Variants in PYY observed in about 807,000 individuals in gnomAD.
The protein encoded by PYY is peptide tyrosine tyrosine.
PYY carries 12 observed loss-of-function variants against 10.3 expected under a neutral mutation model. The ratio of observed to expected loss-of-function variants is 1.17; its 90% CI spans 0.75 to 1.89. The LOEUF is 1.89. Ranked by LOEUF, PYY falls within the 40% of genes most tolerant of loss-of-function variation. PYY has a pLI of 0.00. For missense variants in PYY, 141 were observed against 134.0 expected (o/e 1.05, Z -0.26); for synonymous variants, 66 against 62.0 (o/e 1.06, Z -0.30).
chr17:43,964,751 C>T (rs533877552), intron 2 of PYY, among the ~76,000 whole-genome samples: 4 of 151,750 alleles, frequency 2.6e-5, no homozygotes, highest in Admixed American at 6.6e-5. Context: ...TACGGTGGGC[C>T]GAGATTGTGC....
intron 1 of PYY, among the ~76,000 whole-genome samples, chr17:43,967,030 CG>C (rs1302923597): frequency 6.6e-6 from 1 of 152,144 alleles, no homozygotes; most frequent in Admixed American, 6.5e-5. Context: ...AGGCCAGACG[CG>C]GTGGCTCACA....
chr17:43,975,278 G>A (rs1055622269), intron 1 of PYY, among the ~76,000 whole-genome samples: 1 of 152,116 alleles, frequency 6.6e-6, no homozygotes, highest in Non-Finnish European at 1.5e-5. Flanking sequence ...TATGGATTCC[G>A]GAGTCAGATG....
intron 1 of PYY, among the ~76,000 whole-genome samples, chr17:43,986,341 G>A (rs1391670680): frequency 6.6e-6 from 1 of 152,194 alleles, no homozygotes; most frequent in Non-Finnish European, 1.5e-5. Flanking sequence ...CCATATGCCT[G>A]TTCAAGACAG....
chr17:44,004,286 C>T (rs182163720), intron 1 of PYY: 131 of 167,986 alleles, frequency 7.8e-4, no homozygotes, highest in African/African-American at 3.0e-3. Flanking sequence ...CTTCCAGCCC[C>T]CTGCCCAGCC....
chr17:43,999,398 T>C lies in PYY; in HGVS notation c.-463+4993A>G, dbSNP rs76376610. Among the ~76,000 whole-genome samples, 104 of 152,092 alleles carry C rather than the reference T, an allele frequency of 6.8e-4. 1 individual carries two copies. In the East Asian group the frequency reaches 0.019, roughly 28 times the overall value. Reference sequence around the variant, plus strand: ...AAAGGAGCAAAGAATTGGGGCAACATTTAGTTGATCCCAGAGTGGGGTTGA... The same window carrying C: ...AAAGGAGCAAAGAATTGGGGCAACACTTAGTTGATCCCAGAGTGGGGTTGA... On this transcript the variant is annotated intron_variant, in intron 1 of 6. Coordinates refer to the PYY transcript ENST00000360085.
exon 2 of PYY, chr17:43,966,423 A>C (rs1192362513): frequency 6.6e-6 from 1 of 152,578 alleles, no homozygotes; most frequent in Non-Finnish European, 1.5e-5. Flanking sequence ...ATTCTTAGAA[A>C]GTCTGAAGAA....
intron 1 of PYY, among the ~76,000 whole-genome samples, chr17:44,002,011 C>T (rs1366288347): frequency 6.6e-6 from 1 of 152,104 alleles, no homozygotes; most frequent in Non-Finnish European, 1.5e-5. Flanking sequence ...TGTGTGTGGC[C>T]GGGCCTGAGA....
At chr17:43,992,193 T>C (rs2048962123) in intron 1 of PYY, among the ~76,000 whole-genome samples, 1 of 152,068 alleles carries the variant, frequency 6.6e-6, no homozygotes, top group Non-Finnish European at 1.5e-5. Flanking sequence ...AAAAAATATT[T>C]CAACAATATA....
At chr17:43,969,207 G>A (rs1160320849) in intron 1 of PYY, among the ~76,000 whole-genome samples, 1 of 151,646 alleles carries the variant, frequency 6.6e-6, no homozygotes, top group African/African-American at 2.4e-5. Context: ...ATGCAAGGCT[G>A]GTTCAATATT....
chr17:43,982,415 G>A (rs1445558269), intron 1 of PYY, among the ~76,000 whole-genome samples: 1 of 152,232 alleles, frequency 6.6e-6, no homozygotes, highest in Non-Finnish European at 1.5e-5. Flanking sequence ...TCTACTGATT[G>A]AGGAAGGACA....
chr17:43,989,280 A>G (rs2048936755), intron 1 of PYY, among the ~76,000 whole-genome samples: 1 of 152,038 alleles, frequency 6.6e-6, no homozygotes, highest in African/African-American at 2.4e-5. Context: ...AGGCTGAGGC[A>G]GGAGAATGGT....
intron 1 of PYY, among the ~76,000 whole-genome samples, chr17:43,970,034 G>A (rs534274863): frequency 3.3e-4 from 50 of 151,692 alleles, no homozygotes; most frequent in Admixed American, 1.4e-3. Context: ...GAGCCACCAC[G>A]CCCAGCCAAA....
intron 1 of PYY, among the ~76,000 whole-genome samples, chr17:43,978,817 G>A (rs1314437701): frequency 6.6e-6 from 1 of 152,178 alleles, no homozygotes; most frequent in Non-Finnish European, 1.5e-5. Context: ...CCTTGGCTGG[G>A]TTGGGGCCCC....
chr17:43,990,438 CAAAAAA>C (rs59522069), intron 1 of PYY, among the ~76,000 whole-genome samples: 1 of 92,810 alleles, frequency 1.1e-5, no homozygotes, highest in African/African-American at 4.0e-5. Flanking sequence ...GACTCCATCT[CAAAAAA>C]AAAAAAAAAA....
intron 1 of PYY, among the ~76,000 whole-genome samples, chr17:43,967,816 C>T (rs1184486698): frequency 2.0e-5 from 3 of 152,116 alleles, no homozygotes; most frequent in Admixed American, 1.3e-4. Context: ...ATGAGTTTCT[C>T]ATTTTTCCTC....
At chr17:43,963,606 G>GAAAGAA (rs2048731924) in intron 2 of PYY, among the ~76,000 whole-genome samples, 1 of 89,912 alleles carries the variant, frequency 1.1e-5, no homozygotes, top group African/African-American at 3.3e-5. Flanking sequence ...AAGAAAGAAA[G>GAAAGAA]AAAGAAAGAA....
At chr17:43,963,519 A>G (rs557920423) in intron 2 of PYY, among the ~76,000 whole-genome samples, 14 of 149,082 alleles carry the variant, frequency 9.4e-5, no homozygotes, top group Admixed American at 5.4e-4. Context: ...AAAAAAAAAA[A>G]AAAGAAAGAA....
At chr17:44,001,684 C>T (rs2049028174) in intron 1 of PYY, among the ~76,000 whole-genome samples, 1 of 152,180 alleles carries the variant, frequency 6.6e-6, no homozygotes, top group South Asian at 2.1e-4. Context: ...CGCTTCCCAG[C>T]CCATTTCCAC....
chr17:43,989,052 G>A lies in PYY; in HGVS notation c.-463+15339C>T, dbSNP rs556783265. ...GCTGAGATTACAAGTGTGAGCCACC[G>A]CACCCGGCCCTAGCATTTTAATTGT... On this transcript the variant is annotated intron_variant, in intron 1 of 6. Transcript: ENST00000360085. Among the ~76,000 whole-genome samples the A allele has an allele frequency of 1.5e-4, 15 of 100,406 alleles. No individual in the cohort carries two copies. In the East Asian group the frequency reaches 2.5e-3, roughly 17 times the overall value. The allele number at this position is 100,406 out of a possible 152,430, so 65.9% of individuals were successfully genotyped here. A position where few individuals can be genotyped will look rare whatever the true frequency, so the allele number is the denominator to read the frequency against.
Sources: allele counts gnomAD v4.1 joint callset (sites outside exome capture counted in the v4.1 genomes callset), GRCh38; gene constraint gnomAD v4.1.1; transcripts MANE v1.5; gene names NCBI Gene and HGNC (gene_info 2026-07-23, HGNC 2026-07-21).